FNDC3B: variants seen among roughly 807,000 people sequenced by gnomAD.
FNDC3B encodes the protein fibronectin type III domain-containing protein 3B.
FNDC3B carries 12 observed loss-of-function variants against 151.5 expected under a neutral mutation model. The ratio of observed to expected loss-of-function variants is 0.08; its 90% CI spans 0.05 to 0.13. FNDC3B has a LOEUF of 0.13. Among genes scored for constraint, FNDC3B ranks in the 10% least tolerant of loss-of-function variants. FNDC3B has a pLI of 1.00. For missense variants in FNDC3B, 1,214 were observed against 1,505.3 expected (o/e 0.81, Z 3.20); for synonymous variants, 528 against 549.0 (o/e 0.96, Z 0.54).
chr3:172,393,457 G>A (rs558616820), intron 25 of FNDC3B, among the ~76,000 whole-genome samples: 1 of 152,308 alleles, frequency 6.6e-6, no homozygotes, highest in South Asian at 2.1e-4. Flanking sequence ...AATCCAGACA[G>A]AAAATTAATA....
intron 3 of FNDC3B, among the ~76,000 whole-genome samples, chr3:172,158,532 G>A (rs919634331): frequency 6.6e-6 from 1 of 151,808 alleles, no homozygotes; most frequent in African/African-American, 2.4e-5. Flanking sequence ...GCTGAGTTTT[G>A]AGAGTTCATT....
At chr3:172,126,330 A>T (rs1444357201) in intron 2 of FNDC3B, among the ~76,000 whole-genome samples, 1 of 152,172 alleles carries the variant, frequency 6.6e-6, no homozygotes, top group East Asian at 1.9e-4. Context: ...GGCTAGTGTC[A>T]GTCTTGAATT....
chr3:172,063,319 G>A (rs982464025), intron 1 of FNDC3B, among the ~76,000 whole-genome samples: 1 of 152,022 alleles, frequency 6.6e-6, no homozygotes. Flanking sequence ...TCAGATTCTT[G>A]TATCGCTGAT....
At chr3:172,177,647 T>TTTTTTTTTTTTTTTTCA (rs1723672776) in intron 3 of FNDC3B, among the ~76,000 whole-genome samples, 1 of 117,356 alleles carries the variant, frequency 8.5e-6, no homozygotes, top group South Asian at 2.7e-4. Context: ...TTTTTTTTTT[T>TTTTTTTTTTTTTTTTCA]GCACAGGGGC....
At chr3:172,386,978 A>G (rs1691437) in intron 25 of FNDC3B, among the ~76,000 whole-genome samples, 64,586 of 151,552 alleles carry the variant, frequency 0.43, 15,963 homozygotes, top group Non-Finnish European at 0.57. Flanking sequence ...TTTTTTTGAG[A>G]TGGAGTCTCG....
intron 6 of FNDC3B, among the ~76,000 whole-genome samples, chr3:172,277,474 A>G (rs1729491133): frequency 6.6e-6 from 1 of 152,136 alleles, no homozygotes; most frequent in Admixed American, 6.5e-5. Flanking sequence ...CCCATCTATG[A>G]GGGCTTTATC....
At position 172,397,915 on chromosome 3, in the gene FNDC3B, T is replaced by C. The variant is rs1736376691; in HGVS notation, c.*440T>C. 1 of 153,404 alleles carries C rather than the reference T, an allele frequency of 6.5e-6. No homozygotes were observed. The allele number at this position is 153,404 out of a possible 1,614,324, so 9.5% of individuals were successfully genotyped here. On this transcript the variant is annotated 3_prime_UTR_variant, in exon 26 of 26. Transcript: ENST00000415807. ...TGTGTGTACTTACAGGGCTAGGATT[T>C]CAGTGTTGTCAGAGTATTACCACAC...
chr3:172,362,902 A>C (rs1734435697), intron 23 of FNDC3B, 57 bp downstream of exon 23: 1 of 1,335,248 alleles, frequency 7.5e-7, no homozygotes, highest in African/African-American at 1.5e-5. Context: ...TGTGGGATGA[A>C]ATCTCAATTG....
rs35691130 is a variant in FNDC3B, at chr3:172,355,516, A to AG, written c.2795+2442dup. On this transcript the variant is annotated intron_variant, in intron 22 of 25. Coordinates refer to ENST00000415807, the MANE Select transcript of FNDC3B (RefSeq NM_022763.4). ...CCAAACCTACTTAATTAGAAAATCT[A>AG]GGGGGGGGGCCTAGCACTTGGTGCT... Among the ~76,000 whole-genome samples the AG allele has an allele frequency of 1.2e-3, 183 of 151,186 alleles. 1 individual carries two copies. The highest frequency in any genetic ancestry group is 6.9e-3 in the Middle Eastern group (2 of 288).
At chr3:172,271,944 C>T (rs1460765383) in intron 6 of FNDC3B, among the ~76,000 whole-genome samples, 1 of 152,176 alleles carries the variant, frequency 6.6e-6, no homozygotes, top group Non-Finnish European at 1.5e-5. Flanking sequence ...ATTATGTAGC[C>T]TAAGATATGG....
At chr3:172,216,362 T>C (rs1481792047) in intron 3 of FNDC3B, among the ~76,000 whole-genome samples, 1 of 152,162 alleles carries the variant, frequency 6.6e-6, no homozygotes, top group Admixed American at 6.5e-5. Flanking sequence ...GGGATCTTAG[T>C]ATTCATTTAA....
chr3:172,253,256 A>G (rs970676645), intron 6 of FNDC3B, among the ~76,000 whole-genome samples: 2 of 152,240 alleles, frequency 1.3e-5, no homozygotes, highest in African/African-American at 4.8e-5. Context: ...AAGGGAAGGA[A>G]AATATTAATA....
intron 6 of FNDC3B, among the ~76,000 whole-genome samples, chr3:172,266,160 G>A (rs1012354025): frequency 7.2e-5 from 11 of 152,158 alleles, no homozygotes; most frequent in African/African-American, 2.7e-4. Context: ...ATAAACTCTA[G>A]CACAGTCTTG....
intron 1 of FNDC3B, among the ~76,000 whole-genome samples, chr3:172,075,316 T>G (rs948658044): frequency 6.6e-6 from 1 of 152,206 alleles, no homozygotes; most frequent in Non-Finnish European, 1.5e-5. Context: ...CATTGGCCTG[T>G]GCTGGAGGCA....
In FNDC3B at chr3:172,175,524, T is replaced by C. The variant is rs78304023; in HGVS notation, c.187+41978T>C. On this transcript the variant is annotated intron_variant, in intron 3 of 25. Coordinates refer to ENST00000415807, the MANE Select transcript of FNDC3B (RefSeq NM_022763.4). The stretch of plus-strand genomic sequence containing the variant: ...GGCAAATTCTTAGAAAGGGGCCATT[T>C]AGAGTATGTGTAGCTGAAGAACCTC... Among the ~76,000 whole-genome samples, 62 of 152,344 alleles carry C rather than the reference T, an allele frequency of 4.1e-4. No individual in the cohort carries two copies. In the East Asian group the frequency reaches 0.012, roughly 28 times the overall value.
At chr3:172,244,863 C>T (rs1167331715) in intron 4 of FNDC3B, among the ~76,000 whole-genome samples, 2 of 152,046 alleles carry the variant, frequency 1.3e-5, no homozygotes, top group Non-Finnish European at 2.9e-5. Flanking sequence ...TGACCTCAGA[C>T]AGTCCACCTG....
intron 6 of FNDC3B, among the ~76,000 whole-genome samples, chr3:172,283,547 T>C (rs1409295961): frequency 6.6e-6 from 1 of 152,226 alleles, no homozygotes; most frequent in Non-Finnish European, 1.5e-5. Flanking sequence ...CTTTCTAAGA[T>C]AATCTAAATG....
At chr3:172,116,631 T>A (rs1720265034) in intron 2 of FNDC3B, among the ~76,000 whole-genome samples, 2 of 152,186 alleles carry the variant, frequency 1.3e-5, no homozygotes, top group African/African-American at 2.4e-5. Flanking sequence ...AATGGCACGA[T>A]CTCTGCTCAC....
chr3:172,269,822 T>C (rs530658128), intron 6 of FNDC3B, among the ~76,000 whole-genome samples: 1 of 152,232 alleles, frequency 6.6e-6, no homozygotes, highest in South Asian at 2.1e-4. Context: ...TTTTTTTTGA[T>C]ATTTTTAGTA....
Sources: allele counts gnomAD v4.1 joint callset (sites outside exome capture counted in the v4.1 genomes callset), GRCh38; gene constraint gnomAD v4.1.1; transcripts MANE v1.5; gene names NCBI Gene and HGNC (gene_info 2026-07-23, HGNC 2026-07-21).